Variants in SLC13A3 observed in about 807,000 individuals in gnomAD.
SLC13A3 encodes solute carrier family 13 member 3.
SLC13A3 carries 40 observed loss-of-function variants against 59.0 expected under a neutral mutation model. The ratio of observed to expected loss-of-function variants is 0.68; its 90% CI spans 0.53 to 0.88. SLC13A3 has a LOEUF of 0.88. SLC13A3 is among the 40% of genes least tolerant of loss of function. The probability of loss-of-function intolerance (pLI) is 0.00; values close to 1 mark genes in which losing one functional copy is unlikely to be tolerated. For synonymous variants in SLC13A3, 317 were observed against 330.3 expected (o/e 0.96, Z 0.44); for missense variants, 699 against 783.2 (o/e 0.89, Z 1.28).
At chr20:46,600,655 C>T (rs764459124) in intron 3 of SLC13A3, 28 of 443,962 alleles carry the variant, frequency 6.3e-5, no homozygotes, top group Admixed American at 2.5e-4. Context: ...ATGGGTTGGA[C>T]GACCCCAATT....
intron 1 of SLC13A3, among the ~76,000 whole-genome samples, chr20:46,638,530 T>C (rs561547935): frequency 2.3e-4 from 35 of 152,328 alleles, no homozygotes; most frequent in African/African-American, 7.7e-4. Flanking sequence ...CTCCGTCCAG[T>C]GAAGCCTGGA....
upstream of SLC13A3, among the ~76,000 whole-genome samples, chr20:46,671,490 G>A (rs146638659): frequency 5.3e-5 from 8 of 152,070 alleles, no homozygotes; most frequent in East Asian, 1.4e-3. Flanking sequence ...CCCTTTGAAT[G>A]TTAGAGTATA....
intron 1 of SLC13A3, among the ~76,000 whole-genome samples, chr20:46,616,000 A>G (rs2062550506): frequency 6.6e-6 from 1 of 152,262 alleles, no homozygotes; most frequent in African/African-American, 2.4e-5. Flanking sequence ...CTGCAAAACA[A>G]ATTAACTCAA....
At chr20:46,560,369 AC>A (rs981828850) in intron 12 of SLC13A3, among the ~76,000 whole-genome samples, 171 bp from the exon 13 acceptor site, 3 of 152,158 alleles carry the variant, frequency 2.0e-5, no homozygotes, top group African/African-American at 7.2e-5. Context: ...CAATCTTTAC[AC>A]TACCCTAGGC....
chr20:46,570,975 C>T (rs2062024048), intron 10 of SLC13A3, among the ~76,000 whole-genome samples: 1 of 152,186 alleles, frequency 6.6e-6, no homozygotes, highest in Non-Finnish European at 1.5e-5. Context: ...GCTTAATTGA[C>T]TCACAATTCA....
At chr20:46,665,695 C>T (rs2063059714) in intron 1 of SLC13A3, among the ~76,000 whole-genome samples, 1 of 152,164 alleles carries the variant, frequency 6.6e-6, no homozygotes, top group African/African-American at 2.4e-5. Context: ...ATGAATAATG[C>T]TGCCTTGACC....
At chr20:46,592,608 C>A in intron 5 of SLC13A3, 79 bp from the exon 6 acceptor site, 1 of 1,454,262 alleles carries the variant, frequency 6.9e-7, no homozygotes, top group Non-Finnish European at 9.6e-7. Context: ...CCAGGCAGTA[C>A]TAGTAGCAGC....
intron 8 of SLC13A3, chr20:46,584,328 T>C (rs1361372895): frequency 2.0e-6 from 2 of 985,276 alleles, no homozygotes; most frequent in African/African-American, 1.7e-5. Flanking sequence ...ACAACCAAGA[T>C]ACCCTGTAAA....
chr20:46,578,102 AT>A (rs943685454), intron 9 of SLC13A3, among the ~76,000 whole-genome samples: 4 of 149,418 alleles, frequency 2.7e-5, no homozygotes, highest in South Asian at 2.1e-4. Flanking sequence ...AATTTTGTGT[AT>A]TTTTTTTTAG....
intron 2 of SLC13A3, 52 bp from the exon 3 acceptor site, chr20:46,610,661 T>G: frequency 1.6e-4 from 228 of 1,405,910 alleles, no homozygotes; most frequent in Middle Eastern, 2.3e-4. Context: ...GCCCAGGAGA[T>G]CCTCTGGTCC....
upstream of SLC13A3, among the ~76,000 whole-genome samples, chr20:46,674,588 T>TGCGCGCGC (rs549666867): frequency 2.8e-3 from 377 of 136,684 alleles, 4 homozygotes; most frequent in African/African-American, 0.01. Flanking sequence ...AGGTGGGGAG[T>TGCGCGCGC]GCGCGCGCGC....
At chr20:46,596,020 G>T in intron 5 of SLC13A3, 137 bp downstream of exon 5, 1 of 735,338 alleles carries the variant, frequency 1.4e-6, no homozygotes, top group Non-Finnish European at 2.2e-6. Flanking sequence ...GGATCTCACT[G>T]GATTTTGTGC....
intron 3 of SLC13A3, among the ~76,000 whole-genome samples, chr20:46,602,308 C>G (rs1332619936): frequency 6.6e-6 from 1 of 152,142 alleles, no homozygotes; most frequent in African/African-American, 2.4e-5. Context: ...TGCACTCCAC[C>G]TTGGGTGACA....
At chr20:46,655,864 CTGTACAGTATATATTATACTGTAT>C, upstream of SLC13A3, among the ~76,000 whole-genome samples, 1 of 134,180 alleles carries the variant, frequency 7.5e-6, no homozygotes, top group African/African-American at 2.8e-5. Flanking sequence ...AATATATATA[CTGTACAGTATATATTATACTGTAT>C]ATAATATATA....
chr20:46,585,255 GAT>G (rs1165122299), intron 8 of SLC13A3: 5 of 970,564 alleles, frequency 5.2e-6, no homozygotes, highest in Non-Finnish European at 6.1e-6. Flanking sequence ...TATGTATGAA[GAT>G]ATGTGTGCGT....
rs570474187 is a variant in SLC13A3 at position 46,557,859 on chromosome 20, G to A, written c.*2163C>T. 1.3e-5 allele frequency: 2 copies of A among 152,242 alleles called. No homozygotes were observed. Among genetic ancestry groups the A allele is most frequent in the Admixed American group, 1.3e-4 (2 of 15,286 alleles). The allele number at this position is 152,242 out of a possible 1,614,324, so 9.4% of individuals were successfully genotyped here. On this transcript the variant is annotated 3_prime_UTR_variant, in exon 13 of 13. Coordinates refer to ENST00000279027, the MANE Select transcript of SLC13A3 (RefSeq NM_022829.6). The stretch of plus-strand genomic sequence containing the variant: ...ATAAATGTTTATTGAATGAATAAAT[G>A]GAAGAAGGAGTGAACAAAGTAATGA...
Position 46,559,947 on chromosome 20 carries a change from T to C in SLC13A3, c.*75A>G, listed in dbSNP as rs966173201. The C allele has an allele frequency of 2.1e-6, 3 of 1,414,518 alleles. No homozygotes were observed. In the African/African-American group the frequency reaches 4.2e-5, roughly 20 times the overall value. The allele number at this position is 1,414,518 out of a possible 1,614,324, so 87.6% of individuals were successfully genotyped here. A position where few individuals can be genotyped will look rare whatever the true frequency, so the allele number is the denominator to read the frequency against. On this transcript the variant is annotated 3_prime_UTR_variant, in exon 13 of 13. Coordinates refer to ENST00000279027, the MANE Select transcript of SLC13A3 (RefSeq NM_022829.6). ...ACAGAAAAGAATTATTTGATTGTTT[T>C]GTAGTGTCCTAGCAGCAGGTGATGG...
At chr20:46,578,032 G>A (rs919788825) in intron 9 of SLC13A3, among the ~76,000 whole-genome samples, 6 of 151,768 alleles carry the variant, frequency 4.0e-5, no homozygotes, top group South Asian at 2.1e-4. Context: ...ATGGAGTCTC[G>A]TCTCTGTCGC....
At chr20:46,645,768 G>A (rs143114737) in intron 1 of SLC13A3, among the ~76,000 whole-genome samples, 145 of 152,236 alleles carry the variant, frequency 9.5e-4, no homozygotes, top group African/African-American at 3.4e-3. Context: ...ATTAATCAGC[G>A]TTAAATATTT....
Sources: allele counts gnomAD v4.1 joint callset (sites outside exome capture counted in the v4.1 genomes callset), GRCh38; gene constraint gnomAD v4.1.1; transcripts MANE v1.5; gene names NCBI Gene and HGNC (gene_info 2026-07-23, HGNC 2026-07-21).